MAPRE2: variants seen among roughly 807,000 people sequenced by gnomAD.
The protein encoded by MAPRE2 is microtubule associated protein RP/EB family member 2.
In MAPRE2, 13 loss-of-function variants were observed where a neutral mutation model predicts 43.2. That is an observed-to-expected ratio of 0.30 (90% CI 0.20 to 0.48). MAPRE2 has a LOEUF of 0.48. Among genes scored for constraint, MAPRE2 ranks in the 20% least tolerant of loss-of-function variants. MAPRE2 has a pLI of 0.99. For synonymous variants in MAPRE2, 135 were observed against 148.8 expected, an observed-to-expected ratio of 0.91 and a Z score of 0.68; for missense variants, 161 against 400.2, an observed-to-expected ratio of 0.40 and a Z score of 5.10.
rs939127734 is a variant in MAPRE2 at position 35,070,405 on chromosome 18, AT to A, written c.250+87del. The stretch of plus-strand genomic sequence containing the variant: ...TGATTTTATGAACCACAGCTGCTAT[AT>A]TTTGGGTAGGAAAAAGTATATATTG... On this transcript the variant is annotated intron_variant, in intron 2 of 6. Transcript: ENST00000300249. 163 of 1,280,816 alleles carry A rather than the reference AT, an allele frequency of 1.3e-4. No individual in the cohort carries two copies. In the African/African-American group the frequency reaches 2.4e-3, roughly 19 times the overall value. 79.3% of individuals were successfully genotyped at this position (1,280,816 alleles called of 1,614,324 possible). A position where few individuals can be genotyped will look rare whatever the true frequency, so the allele number is the denominator to read the frequency against.
At chr18:35,139,136 G>T (rs1232315706) in intron 6 of MAPRE2, among the ~76,000 whole-genome samples, 1 of 152,226 alleles carries the variant, frequency 6.6e-6, no homozygotes, top group Non-Finnish European at 1.5e-5. Context: ...TTCTGGCTCA[G>T]TGATCATGCC....
At chr18:35,055,549 G>GTGTGTGTGTGTGTGTGTGTGTGTGTA (rs1906177016) in intron 1 of MAPRE2, among the ~76,000 whole-genome samples, 1 of 148,610 alleles carries the variant, frequency 6.7e-6, no homozygotes, top group Non-Finnish European at 1.5e-5. Flanking sequence ...GTGTGTGTGT[G>GTGTGTGTGTGTGTGTGTGTGTGTGTA]TGTGTGTGTG....
chr18:35,136,694 G>A (rs1020988089), intron 6 of MAPRE2, among the ~76,000 whole-genome samples: 29 of 152,200 alleles, frequency 1.9e-4, no homozygotes, highest in Non-Finnish European at 7.3e-5. Context: ...CTGCAGGGTG[G>A]TGCCTTCCAC....
intron 1 of MAPRE2, chr18:34,984,375 G>A (rs2097017930): frequency 6.6e-6 from 1 of 152,078 alleles, no homozygotes; most frequent in South Asian, 2.1e-4. Flanking sequence ...TATATAACTG[G>A]TGTTCTCTTC....
chr18:35,086,286 C>CATATATAGATATGT (rs1907875096), intron 2 of MAPRE2, among the ~76,000 whole-genome samples: 1 of 151,214 alleles, frequency 6.6e-6, no homozygotes, highest in Non-Finnish European at 1.5e-5. Flanking sequence ...ATATGAGATA[C>CATATATAGATATGT]ATATATAGAT....
chr18:35,084,690 TC>T (rs1286065112), intron 2 of MAPRE2, among the ~76,000 whole-genome samples: 2 of 152,256 alleles, frequency 1.3e-5, no homozygotes, highest in Non-Finnish European at 2.9e-5. Flanking sequence ...GTTGAAATCT[TC>T]CTGCTGGCTA....
intron 2 of MAPRE2, among the ~76,000 whole-genome samples, chr18:35,071,622 T>A (rs1276614139): frequency 6.6e-6 from 1 of 152,208 alleles, no homozygotes; most frequent in Non-Finnish European, 1.5e-5. Flanking sequence ...AAGTCAACAT[T>A]GCTCTTTTTC....
chr18:35,004,899 C>G (rs1454777264), intron 1 of MAPRE2, among the ~76,000 whole-genome samples: 2 of 143,776 alleles, frequency 1.4e-5, no homozygotes, highest in Non-Finnish European at 3.0e-5. Flanking sequence ...GCCTGGGCGA[C>G]AGAGCGAGAC....
intron 1 of MAPRE2, among the ~76,000 whole-genome samples, chr18:34,993,992 CTTTTT>C (rs11301716): frequency 2.5e-3 from 296 of 120,020 alleles, no homozygotes; most frequent in African/African-American, 5.9e-3. Context: ...CATGGATTTT[CTTTTT>C]TTTTTTTTTT....
intron 1 of MAPRE2, among the ~76,000 whole-genome samples, chr18:34,987,563 T>G (rs1179426941): frequency 1.3e-5 from 2 of 152,212 alleles, no homozygotes; most frequent in African/African-American, 4.8e-5. Flanking sequence ...TAAAATATCT[T>G]CCAGGTATGA....
intron 1 of MAPRE2, among the ~76,000 whole-genome samples, chr18:35,046,731 C>T (rs542815155): frequency 6.6e-6 from 1 of 152,292 alleles, no homozygotes; most frequent in South Asian, 2.1e-4. Flanking sequence ...TAATGCCATG[C>T]GAGAGCTTGA....
intron 1 of MAPRE2, among the ~76,000 whole-genome samples, chr18:34,993,606 A>G (rs1040877281): frequency 6.6e-6 from 1 of 152,186 alleles, no homozygotes; most frequent in African/African-American, 2.4e-5. Context: ...AGAAGTCGGA[A>G]TCATTTCTTC....
At chr18:35,105,204 A>G (rs899037891) in intron 4 of MAPRE2, among the ~76,000 whole-genome samples, 12 of 152,170 alleles carry the variant, frequency 7.9e-5, no homozygotes, top group African/African-American at 2.9e-4. Flanking sequence ...CTTGGGTGAC[A>G]ATGCTCAGGA....
intron 1 of MAPRE2, among the ~76,000 whole-genome samples, chr18:35,001,957 A>G (rs1376688186): frequency 6.6e-6 from 1 of 152,222 alleles, no homozygotes; most frequent in African/African-American, 2.4e-5. Flanking sequence ...CTAATCTGCC[A>G]TGGTAGCATC....
intron 6 of MAPRE2, among the ~76,000 whole-genome samples, chr18:35,132,744 G>A (rs1202767446): frequency 2.0e-5 from 3 of 152,228 alleles, no homozygotes; most frequent in African/African-American, 7.2e-5. Context: ...CACAAGTGCT[G>A]CTATTCACAA....
intron 1 of MAPRE2, among the ~76,000 whole-genome samples, chr18:35,051,625 C>T (rs1466919152): frequency 6.6e-6 from 1 of 152,172 alleles, no homozygotes; most frequent in Non-Finnish European, 1.5e-5. Flanking sequence ...AGTTGGGGTC[C>T]TCAAAGTGCA....
At chr18:35,106,972 GT>G (rs1237756902) in intron 4 of MAPRE2, among the ~76,000 whole-genome samples, 1 of 152,114 alleles carries the variant, frequency 6.6e-6, no homozygotes. Context: ...GTGGGGATTG[GT>G]TTTTATGTGT....
At chr18:34,999,868 G>C (rs1334659261) in intron 1 of MAPRE2, among the ~76,000 whole-genome samples, 1 of 152,058 alleles carries the variant, frequency 6.6e-6, no homozygotes, top group Non-Finnish European at 1.5e-5. Flanking sequence ...AGTTGCACAG[G>C]AGAGGGGAGG....
intron 1 of MAPRE2, among the ~76,000 whole-genome samples, chr18:34,984,977 A>T (rs867878826): frequency 2.2e-3 from 70 of 31,212 alleles, no homozygotes; most frequent in African/African-American, 6.7e-3. Flanking sequence ...TATAATATAT[A>T]AAATATATTA....
Sources: gnomAD v4.1 joint callset for allele counts (sites outside exome capture counted in the v4.1 genomes callset) on GRCh38, gnomAD v4.1.1 for gene constraint, MANE v1.5 for transcripts, NCBI Gene and HGNC (gene_info 2026-07-23, HGNC 2026-07-21) for gene names.